GRIP1: variants seen among roughly 807,000 people sequenced by gnomAD.
The protein encoded by GRIP1 is glutamate receptor-interacting protein 1.
In GRIP1, 45 loss-of-function variants were observed where a neutral mutation model predicts 129.9. The observed-to-expected ratio is 0.35, with a 90% CI of 0.27 to 0.44. The LOEUF is 0.44. Ranked by LOEUF, GRIP1 falls within the 20% of genes least tolerant of loss-of-function variation. The pLI, the probability that GRIP1 is intolerant of heterozygous loss-of-function variation, is 1.00. For missense variants in GRIP1, 1,196 were observed against 1,396.8 expected, an observed-to-expected ratio of 0.86 and a Z score of 2.29; for synonymous variants, 530 against 520.8, an observed-to-expected ratio of 1.02 and a Z score of -0.24.
intron 1 of GRIP1, among the ~76,000 whole-genome samples, chr12:66,639,910 A>T (rs1051205311): frequency 6.6e-6 from 1 of 152,202 alleles, no homozygotes. Context: ...CTGAGGAAAC[A>T]GAATTAAACA....
intron 1 of GRIP1, among the ~76,000 whole-genome samples, chr12:66,815,846 T>TCTC (rs1566036739): frequency 4.2e-5 from 2 of 48,026 alleles, no homozygotes; most frequent in Non-Finnish European, 1.2e-4. Flanking sequence ...CTTTCTTTCT[T>TCTC]TCTTTCTTTC....
intron 8 of GRIP1, among the ~76,000 whole-genome samples, chr12:66,464,818 C>CTGTGTG (rs66669633): frequency 3.9e-4 from 58 of 150,548 alleles, no homozygotes; most frequent in South Asian, 8.4e-4. Context: ...GGCAAGAGAA[C>CTGTGTG]TGTGTGTGTG....
chr12:66,920,412 C>A (rs751959404), intron 1 of GRIP1, among the ~76,000 whole-genome samples: 10 of 152,166 alleles, frequency 6.6e-5, no homozygotes, highest in Non-Finnish European at 1.3e-4. Flanking sequence ...CTGATTATAT[C>A]CACACACATG....
At chr12:66,886,970 T>C (rs1196498018) in intron 1 of GRIP1, among the ~76,000 whole-genome samples, 1 of 152,214 alleles carries the variant, frequency 6.6e-6, no homozygotes, top group Non-Finnish European at 1.5e-5. Flanking sequence ...GAGAGGTCTA[T>C]GTCTCCATGT....
chr12:66,822,512 A>C (rs1272289597), intron 1 of GRIP1, among the ~76,000 whole-genome samples: 1 of 152,206 alleles, frequency 6.6e-6, no homozygotes, highest in Admixed American at 6.5e-5. Flanking sequence ...ATATATCCAA[A>C]AGAAAATAAA....
At chr12:66,909,862 T>C (rs1443757651) in intron 1 of GRIP1, among the ~76,000 whole-genome samples, 1 of 152,232 alleles carries the variant, frequency 6.6e-6, no homozygotes, top group Non-Finnish European at 1.5e-5. Context: ...TCCAAGTTAC[T>C]GCCATAATAA....
intron 1 of GRIP1, among the ~76,000 whole-genome samples, chr12:66,606,992 GGAGAGAGA>G (rs80101645): frequency 6.7e-6 from 1 of 149,152 alleles, no homozygotes; most frequent in South Asian, 2.1e-4. Flanking sequence ...ATCCTTACTT[GGAGAGAGA>G]GAGAGAGAGA....
At chr12:66,736,982 G>A (rs1288281875) in intron 1 of GRIP1, among the ~76,000 whole-genome samples, 1 of 150,438 alleles carries the variant, frequency 6.6e-6, no homozygotes, top group Non-Finnish European at 1.5e-5. Flanking sequence ...GGGCTCTGCA[G>A]ACTGACAACT....
intron 1 of GRIP1, among the ~76,000 whole-genome samples, chr12:67,051,702 A>G (rs7136952): frequency 0.83 from 126,329 of 152,228 alleles, 53,327 homozygotes; most frequent in South Asian, 0.95. Context: ...CAGTAGCAGA[A>G]GAGATCTGAG....
At chr12:66,586,991 T>G (rs2063663139) in intron 2 of GRIP1, among the ~76,000 whole-genome samples, 1 of 152,120 alleles carries the variant, frequency 6.6e-6, no homozygotes, top group Non-Finnish European at 1.5e-5. Flanking sequence ...ATATCCAAAC[T>G]CTTACCATGG....
At chr12:66,610,392 C>A (rs1295465616) in intron 1 of GRIP1, among the ~76,000 whole-genome samples, 1 of 152,088 alleles carries the variant, frequency 6.6e-6, no homozygotes, top group African/African-American at 2.4e-5. Context: ...ACTCCTCAAT[C>A]TTAAGACATC....
At chr12:66,877,103 A>C (rs965954747) in intron 1 of GRIP1, among the ~76,000 whole-genome samples, 1 of 151,986 alleles carries the variant, frequency 6.6e-6, no homozygotes, top group Non-Finnish European at 1.5e-5. Context: ...ATCTGGGAAA[A>C]TCATAGCATT....
intron 1 of GRIP1, among the ~76,000 whole-genome samples, chr12:67,003,535 T>C (rs1405086942): frequency 6.6e-6 from 1 of 151,622 alleles, no homozygotes; most frequent in Non-Finnish European, 1.5e-5. Flanking sequence ...CTACTAAAAA[T>C]ACAAAAAATT....
intron 1 of GRIP1, among the ~76,000 whole-genome samples, chr12:66,880,869 TG>T (rs2040466223): frequency 6.6e-6 from 1 of 152,274 alleles, no homozygotes; most frequent in South Asian, 2.1e-4. Flanking sequence ...ATTTAATCTG[TG>T]TTCCCTAGAA....
At chr12:66,823,859 C>T (rs1592879502) in intron 1 of GRIP1, among the ~76,000 whole-genome samples, 1 of 152,256 alleles carries the variant, frequency 6.6e-6, no homozygotes, top group African/African-American at 2.4e-5. Flanking sequence ...TTTTTACTGT[C>T]ATGTTTGGGC....
intron 1 of GRIP1, among the ~76,000 whole-genome samples, chr12:66,706,881 G>A (rs2035547441): frequency 6.6e-6 from 1 of 151,856 alleles, no homozygotes; most frequent in South Asian, 2.1e-4. Flanking sequence ...TGGTGGCTGA[G>A]GGGAGGGAAC....
At chr12:66,785,327 C>CATATATATATAT (rs1415065185) in intron 1 of GRIP1, among the ~76,000 whole-genome samples, 6 of 38,494 alleles carry the variant, frequency 1.6e-4, no homozygotes, top group African/African-American at 4.7e-4. Context: ...TACATACATA[C>CATATATATATAT]ATACATACAT....
At chr12:66,858,140 C>T (rs1417008890) in intron 1 of GRIP1, among the ~76,000 whole-genome samples, 1 of 151,882 alleles carries the variant, frequency 6.6e-6, no homozygotes, top group African/African-American at 2.4e-5. Flanking sequence ...TGAAGTTATT[C>T]AGCATGGTAA....
rs368349433 is a variant in GRIP1 at position 66,541,865 on chromosome 12, C to T, written c.222G>A (p.Lys74=). 8.8e-5 allele frequency: 142 copies of T among 1,613,962 alleles called. No individual in the cohort carries two copies. Among genetic ancestry groups the T allele is most frequent in the Non-Finnish European group, 1.1e-4 (131 of 1,179,938 alleles). Residue 74 remains lysine (K), a synonymous_variant, in exon 3 of 25, where the codon AAG becomes AAA. Transcript: ENST00000359742. ...LGLTVSGGID[K]DGKPRVSNLR... Reference sequence around the variant, plus strand: ...GATTAGATACTCTTGGCTTGCCATCCTTATCAATTCCTCCCGATACCGTCA... The same window carrying T: ...GATTAGATACTCTTGGCTTGCCATCTTTATCAATTCCTCCCGATACCGTCA...
Sources: gnomAD v4.1 joint callset for allele counts (sites outside exome capture counted in the v4.1 genomes callset) on GRCh38, gnomAD v4.1.1 for gene constraint, MANE v1.5 for transcripts, NCBI Gene and HGNC (gene_info 2026-07-23, HGNC 2026-07-21) for gene names.